TNF: variants seen among roughly 807,000 people sequenced by gnomAD.
TNF encodes tumor necrosis factor.
Under a neutral mutation model 21.8 loss-of-function variants are expected in TNF, and 7 were observed. The observed-to-expected ratio is 0.32, with a 90% CI of 0.18 to 0.60. The LOEUF is 0.60. Among genes scored for constraint, TNF ranks in the 20% least tolerant of loss-of-function variants. TNF has a pLI of 0.84. For synonymous variants in TNF, 123 were observed against 130.2 expected, an observed-to-expected ratio of 0.94 and a Z score of 0.38; for missense variants, 216 against 296.6, an observed-to-expected ratio of 0.73 and a Z score of 2.00.
In TNF at chr6:31,577,098, C is replaced by T; in HGVS notation, c.281-18C>T. On this transcript the variant is annotated intron_variant, in intron 3 of 3. Transcript: ENST00000449264. This position sits in a 1 kb window ranked among gnomAD's most constrained non-coding sequence, Gnocchi z 7.7. ...CATGGCCACACTGACTCTCCTCTCC[C>T]TCTCTCCCTCCCTCCAGCAAACCCT... 6.3e-7 allele frequency: 1 copy of T among 1,587,038 alleles called. No individual in the cohort carries two copies. Among genetic ancestry groups the T allele is most frequent in the Non-Finnish European group, 8.6e-7 (1 of 1,167,572 alleles).
Position 31,577,124 on chromosome 6 carries a change from C to A in TNF, c.289C>A (p.Gln97Lys). 6.2e-7 allele frequency: 1 copy of A among 1,606,236 alleles called. No individual in the cohort carries two copies. Among genetic ancestry groups the A allele is most frequent in the Non-Finnish European group, 8.5e-7 (1 of 1,176,468 alleles). The change falls in exon 4 of 4, where the codon CAA becomes AAA. Residue 97 changes from glutamine to lysine, a missense_variant. Physicochemically the swap from Gln to Lys is moderately conservative, Grantham distance 53. Coordinates refer to ENST00000449264, the MANE Select transcript of TNF (RefSeq NM_000594.4). The surrounding 1 kb of genome is among the most constrained non-coding windows in gnomAD (Gnocchi z 7.7). ...TCTCTCCCTCCCTCCAGCAAACCCT[C>A]AAGCTGAGGGGCAGCTCCAGTGGCT... Reference protein sequence around the residue: ...KPVAHVVANPQAEGQLQWLNR... With the variant: ...KPVAHVVANPKAEGQLQWLNR...
Position 31,575,631 on chromosome 6 carries a change from C to CCCCT in TNF, c.-110_-107dup. The CCCCT allele has an allele frequency of 9.9e-7, 1 of 1,011,822 alleles. No individual in the cohort carries two copies. The highest frequency in any genetic ancestry group is 1.7e-5 in the South Asian group (1 of 58,978). 62.7% of individuals were successfully genotyped at this position (1,011,822 alleles called of 1,614,324 possible). A position where few individuals can be genotyped will look rare whatever the true frequency, so the allele number is the denominator to read the frequency against. ...GAGGGAGAGAAGCAACTACAGACCC[C>CCCCT]CCCTGAAAACAACCCTCAGACGCCA... On this transcript the variant is annotated 5_prime_UTR_variant, in exon 1 of 4. Transcript: ENST00000449264. This position sits in a 1 kb window ranked among gnomAD's most constrained non-coding sequence, Gnocchi z 6.2.
chr6:31,576,089 G>A (rs1250597896), intron 1 of TNF, among the ~76,000 whole-genome samples, 162 bp downstream of exon 1: 2 of 152,176 alleles, frequency 1.3e-5, no homozygotes, highest in African/African-American at 2.4e-5. Context: ...TGTGGCAAGA[G>A]ATGGGGAAGA....
In TNF at chr6:31,577,216, A is replaced by G. The variant is rs751421650; in HGVS notation, c.381A>G (p.Pro127=). 1.2e-6 allele frequency: 2 copies of G among 1,613,090 alleles called. No individual in the cohort carries two copies. Among genetic ancestry groups the G allele is most frequent in the Non-Finnish European group, 1.7e-6 (2 of 1,180,022 alleles). The change falls in exon 4 of 4, where the codon CCA becomes CCG. Residue 127 remains proline (P), a synonymous_variant. Transcript: ENST00000449264. The surrounding 1 kb of genome is among the most constrained non-coding windows in gnomAD (Gnocchi z 7.7). The stretch of plus-strand genomic sequence containing the variant: ...TGAGAGATAACCAGCTGGTGGTGCC[A>G]TCAGAGGGCCTGTACCTCATCTACT... ...VELRDNQLVV[P]SEGLYLIYSQ... is the part of the protein sequence containing the mutation.
rs1192279581 is a variant in TNF, at chr6:31,575,824, G to A, written c.83G>A (p.Arg28Lys). 2.5e-6 allele frequency: 4 copies of A among 1,612,710 alleles called. No individual in the cohort carries two copies. The highest frequency in any genetic ancestry group is 3.4e-6 in the Non-Finnish European group (4 of 1,179,418). Reference protein sequence around the residue: ...PKKTGGPQGSRRCLFLSLFSF... With the variant: ...PKKTGGPQGSKRCLFLSLFSF... ...AAGACAGGGGGGCCCCAGGGCTCCA[G>A]GCGGTGCTTGTTCCTCAGCCTCTTC... The change falls in exon 1 of 4, where the codon AGG becomes AAG. Residue 28 changes from arginine (R) to lysine (K), a missense_variant. Arg to Lys is a conservative substitution (Grantham distance 26, BLOSUM62 2). Around this residue, in one of 2 missense-constraint regions of TNF, gnomAD observed 118 missense variants for 127.1 expected, o/e 0.93. Coordinates refer to ENST00000449264, the MANE Select transcript of TNF (RefSeq NM_000594.4). The surrounding 1 kb of genome is among the most constrained non-coding windows in gnomAD (Gnocchi z 6.2).
In TNF at chr6:31,577,657, A is replaced by G. The variant is rs1393240151; in HGVS notation, c.*120A>G. 1.5e-6 allele frequency: 2 copies of G among 1,294,970 alleles called. No individual in the cohort carries two copies. Among genetic ancestry groups the G allele is most frequent in the Non-Finnish European group, 2.2e-6 (2 of 918,832 alleles). The allele number at this position is 1,294,970 out of a possible 1,614,324, so 80.2% of individuals were successfully genotyped here. ...AAGAGAATTGGGGGCTTAGGGTCGG[A>G]ACCCAAGCTTAGAACTTTAAGCAAC... On this transcript the variant is annotated 3_prime_UTR_variant, in exon 4 of 4. Coordinates refer to ENST00000449264, the MANE Select transcript of TNF (RefSeq NM_000594.4). The surrounding 1 kb of genome is among the most constrained non-coding windows in gnomAD (Gnocchi z 7.7).
Position 31,576,459 on chromosome 6 carries a change from G to T in TNF, c.187-75G>T, listed in dbSNP as rs541437699. ...AGACACCTCAGGGCTAAGAGCGCAG[G>T]CCAGACAGGCAGCCAGCTGTTCCTC... On this transcript the variant is annotated intron_variant, in intron 1 of 3. Transcript: ENST00000449264. 12 of 1,493,072 alleles carry T rather than the reference G, an allele frequency of 8.0e-6. No individual in the cohort carries two copies. The East Asian group carries it at 2.5e-4, about 31-fold the overall frequency. The allele number at this position is 1,493,072 out of a possible 1,614,324, so 92.5% of individuals were successfully genotyped here.
At position 31,575,822 on chromosome 6, in the gene TNF, C is replaced by T. The variant is rs1439859972; in HGVS notation, c.81C>T (p.Ser27=). Residue 27 remains serine, a synonymous_variant, in exon 1 of 4, where the codon TCC becomes TCT. Transcript: ENST00000449264. This position sits in a 1 kb window ranked among gnomAD's most constrained non-coding sequence, Gnocchi z 6.2. The part of the protein sequence containing the change: ...LPKKTGGPQG[S]RRCLFLSLFS... Reference sequence around the variant, plus strand: ...AGAAGACAGGGGGGCCCCAGGGCTCCAGGCGGTGCTTGTTCCTCAGCCTCT... The same window carrying T: ...AGAAGACAGGGGGGCCCCAGGGCTCTAGGCGGTGCTTGTTCCTCAGCCTCT... The T allele has an allele frequency of 6.2e-7, 1 of 1,612,666 alleles. No individual in the cohort carries two copies. Among genetic ancestry groups the T allele is most frequent in the Non-Finnish European group, 8.5e-7 (1 of 1,179,314 alleles).
In TNF at chr6:31,577,429, G is replaced by A. The variant is rs751765776; in HGVS notation, c.594G>A (p.Gly198=). ...GGTATGAGCCCATCTATCTGGGAGG[G>A]GTCTTCCAGCTGGAGAAGGGTGACC... The part of the protein sequence containing the change: ...KPWYEPIYLG[G]VFQLEKGDRL... Residue 198 remains glycine, a synonymous_variant, in exon 4 of 4, where the codon GGG becomes GGA. Coordinates refer to ENST00000449264, the MANE Select transcript of TNF (RefSeq NM_000594.4). This position sits in a 1 kb window ranked among gnomAD's most constrained non-coding sequence, Gnocchi z 7.7. 1 of 1,613,002 alleles carries A rather than the reference G, an allele frequency of 6.2e-7. No homozygotes were observed. Among genetic ancestry groups the A allele is most frequent in the African/African-American group, 1.3e-5 (1 of 74,944 alleles).
Position 31,578,021 on chromosome 6 carries a change from T to C in TNF, c.*484T>C, listed in dbSNP as rs2150390536. The C allele has an allele frequency of 6.5e-6, 1 of 152,784 alleles. No homozygotes were observed. The highest frequency in any genetic ancestry group is 2.4e-5 in the African/African-American group (1 of 41,600). 9.5% of individuals were successfully genotyped at this position (152,784 alleles called of 1,614,324 possible). On this transcript the variant is annotated 3_prime_UTR_variant, in exon 4 of 4. Transcript: ENST00000449264. This position sits in a 1 kb window ranked among gnomAD's most constrained non-coding sequence, Gnocchi z 6.0. ...GTGATTATTTATTATTTATTTATTA[T>C]TTATTTATTTACAGATGAATGTATT... is the stretch of plus-strand genomic sequence containing the variant.
In TNF at chr6:31,577,049, G is replaced by A; in HGVS notation, c.281-67G>A. 6.5e-7 allele frequency: 1 copy of A among 1,539,738 alleles called. No homozygotes were observed. Among genetic ancestry groups the A allele is most frequent in the Non-Finnish European group, 8.7e-7 (1 of 1,143,244 alleles). On this transcript the variant is annotated intron_variant, in intron 3 of 3. Transcript: ENST00000449264. This position sits in a 1 kb window ranked among gnomAD's most constrained non-coding sequence, Gnocchi z 7.7. ...GATGTGGGGTGGGCAGAGCTCGAGG[G>A]CCAGGATGTGGAGAGTGAACCGACA...
Position 31,575,959 on chromosome 6 carries a change from C to T in TNF, c.186+32C>T. On this transcript the variant is annotated intron_variant, in intron 1 of 3. Coordinates refer to ENST00000449264, the MANE Select transcript of TNF (RefSeq NM_000594.4). This position sits in a 1 kb window ranked among gnomAD's most constrained non-coding sequence, Gnocchi z 6.2. ...GCCTGGCCAGCCTTCATCCACTCTC[C>T]CACCCAAGGGGAAATGGAGACGCAA... 6.8e-7 allele frequency: 1 copy of T among 1,465,730 alleles called. No individual in the cohort carries two copies. Among genetic ancestry groups the T allele is most frequent in the Non-Finnish European group, 9.1e-7 (1 of 1,102,964 alleles). 90.8% of individuals were successfully genotyped at this position (1,465,730 alleles called of 1,614,324 possible).
At chr6:31,576,984 A>G (rs369268421) in intron 3 of TNF, 132 bp from the exon 4 acceptor site, 4 of 1,369,644 alleles carry the variant, frequency 2.9e-6, no homozygotes, top group South Asian at 2.6e-5. Flanking sequence ...CGTCATGGCC[A>G]GGTGGGATGT....
At chr6:31,576,330 T>G in intron 1 of TNF, among the ~76,000 whole-genome samples, 1 of 150,516 alleles carries the variant, frequency 6.6e-6, no homozygotes, top group Non-Finnish European at 1.5e-5. Context: ...ATGGGGGAGA[T>G]AAGGAGAGAA....
In TNF at chr6:31,577,679, C is replaced by G. The variant is rs763152978; in HGVS notation, c.*142C>G. On this transcript the variant is annotated 3_prime_UTR_variant, in exon 4 of 4. Coordinates refer to ENST00000449264, the MANE Select transcript of TNF (RefSeq NM_000594.4). The surrounding 1 kb of genome is among the most constrained non-coding windows in gnomAD (Gnocchi z 7.7). ...CGGAACCCAAGCTTAGAACTTTAAG[C>G]AACAAGACCACCACTTCGAAACCTG... 6 of 1,024,644 alleles carry G rather than the reference C, an allele frequency of 5.9e-6. No homozygotes were observed. Among genetic ancestry groups the G allele is most frequent in the Admixed American group, 4.0e-5 (2 of 49,982 alleles). 63.5% of individuals were successfully genotyped at this position (1,024,644 alleles called of 1,614,324 possible).
intron 1 of TNF, 80 bp from the exon 2 acceptor site, chr6:31,576,454 C>T (rs559043897): frequency 6.3e-6 from 9 of 1,429,998 alleles, no homozygotes; most frequent in East Asian, 2.3e-5. Flanking sequence ...GGGCTAAGAG[C>T]GCAGGCCAGA....
intron 1 of TNF, among the ~76,000 whole-genome samples, chr6:31,576,175 T>C (rs1771173886): frequency 6.6e-6 from 1 of 151,842 alleles, no homozygotes; most frequent in Non-Finnish European, 1.5e-5. Context: ...AGTGAATGAA[T>C]GAATGAATGA....
chr6:31,576,395 C>A, intron 1 of TNF, 139 bp from the exon 2 acceptor site: 1 of 799,916 alleles, frequency 1.3e-6, no homozygotes, highest in Non-Finnish European at 2.0e-6. Context: ...TGTTGAATGC[C>A]TGGAAGGTGA....
chr6:31,576,686 G>A, intron 2 of TNF, 81 bp from the exon 3 acceptor site: 2 of 1,599,812 alleles, frequency 1.3e-6, no homozygotes, highest in African/African-American at 2.7e-5. Flanking sequence ...TCTTGGGGGA[G>A]GATGGATGGA....
Sources: allele counts gnomAD v4.1 joint callset (sites outside exome capture counted in the v4.1 genomes callset), GRCh38; gene constraint gnomAD v4.1.1; regional missense constraint gnomAD v4.1.1; non-coding constraint Gnocchi (gnomAD v3.1); transcripts MANE v1.5; gene names NCBI Gene and HGNC (gene_info 2026-07-23, HGNC 2026-07-21).